Variants in SPAG9 observed in about 807,000 individuals in gnomAD.
SPAG9 encodes sperm associated antigen 9.
Under a neutral mutation model 166.5 loss-of-function variants are expected in SPAG9, and 35 were observed. The observed-to-expected ratio is 0.21, with a 90% CI of 0.16 to 0.28. SPAG9 has a LOEUF of 0.28. Ranked by LOEUF, SPAG9 falls within the 10% of genes least tolerant of loss-of-function variation. The pLI is 1.00. For synonymous variants in SPAG9, 534 were observed against 565.5 expected (o/e 0.94, Z 0.79); for missense variants, 1,235 against 1,603.3 (o/e 0.77, Z 3.92).
At chr17:51,050,190 T>C (rs1159654927) in intron 3 of SPAG9, among the ~76,000 whole-genome samples, 1 of 152,184 alleles carries the variant, frequency 6.6e-6, no homozygotes, top group Non-Finnish European at 1.5e-5. Flanking sequence ...TCCAAAATTA[T>C]CTATATAATG....
At position 51,037,691 on chromosome 17, in the gene SPAG9, T is replaced by TA. The variant is rs1179792305; in HGVS notation, c.741+3809_741+3810insT. ...TATATATATATATATATATAGTGTG[T>TA]GTGTGTGTGTGTGTGTGTGTGTGTG... On this transcript the variant is annotated intron_variant, in intron 5 of 29. Transcript: ENST00000262013. Among the ~76,000 whole-genome samples the TA allele has an allele frequency of 5.6e-3, 506 of 90,628 alleles. 27 individuals are homozygous for TA. Among genetic ancestry groups the TA allele is most frequent in the East Asian group, 0.015 (60 of 4,116 alleles). 59.5% of individuals were successfully genotyped at this position (90,628 alleles called of 152,430 possible).
chr17:51,071,880 A>G (rs2047828964), intron 2 of SPAG9, among the ~76,000 whole-genome samples: 1 of 151,224 alleles, frequency 6.6e-6, no homozygotes. Context: ...TTTAAAATTA[A>G]AGACACTAAT....
chr17:51,010,310 T>C (rs1275934003), intron 9 of SPAG9, among the ~76,000 whole-genome samples: 3 of 152,198 alleles, frequency 2.0e-5, no homozygotes, highest in Non-Finnish European at 4.4e-5. Flanking sequence ...AACAAAACTG[T>C]CAGAACTATT....
chr17:51,113,368 AAAAG>A (rs1568100497), intron 1 of SPAG9, among the ~76,000 whole-genome samples: 2 of 149,452 alleles, frequency 1.3e-5, no homozygotes, highest in African/African-American at 2.5e-5. Context: ...AAAAAAAAAA[AAAAG>A]AAAGAAAAGA....
At chr17:50,995,332 A>G (rs2044629410) in intron 17 of SPAG9, 108 bp from the exon 18 acceptor site, 13 of 1,321,426 alleles carry the variant, frequency 9.8e-6, no homozygotes, top group Non-Finnish European at 1.1e-5. Context: ...ACCTAATATT[A>G]TAAAATGAAC....
At chr17:51,004,042 G>A (rs895975166) in intron 12 of SPAG9, among the ~76,000 whole-genome samples, 5 of 152,154 alleles carry the variant, frequency 3.3e-5, no homozygotes, top group Non-Finnish European at 5.9e-5. Context: ...TGTACTACAC[G>A]GATGAATCTC....
At chr17:51,113,873 T>C (rs551166831) in intron 1 of SPAG9, among the ~76,000 whole-genome samples, 5 of 151,970 alleles carry the variant, frequency 3.3e-5, no homozygotes, top group Admixed American at 6.6e-5. Context: ...CATGATCCTG[T>C]AGTCCCAGCT....
chr17:51,083,008 C>A (rs1379803590), intron 1 of SPAG9, among the ~76,000 whole-genome samples: 1 of 152,166 alleles, frequency 6.6e-6, no homozygotes, highest in East Asian at 1.9e-4. Flanking sequence ...ACCTAGCAGG[C>A]CTAGGCTGCA....
intron 18 of SPAG9, among the ~76,000 whole-genome samples, chr17:50,994,408 G>T (rs918923580): frequency 3.9e-5 from 6 of 152,132 alleles, no homozygotes; most frequent in African/African-American, 1.4e-4. Context: ...TATCAGCAGT[G>T]TGAATATAGA....
At chr17:51,077,109 T>TCTAGCTAGCTATCTAGCTATCTAG (rs1412585538) in intron 2 of SPAG9, among the ~76,000 whole-genome samples, 1 of 129,452 alleles carries the variant, frequency 7.7e-6, no homozygotes, top group Non-Finnish European at 1.7e-5. Context: ...TAGCTAGCTA[T>TCTAGCTAGCTATCTAGCTATCTAG]CTAGCTATCT....
intron 29 of SPAG9, 53 bp from the exon 30 acceptor site, chr17:50,966,440 G>T: frequency 9.0e-7 from 1 of 1,115,306 alleles, no homozygotes; most frequent in South Asian, 1.2e-5. Flanking sequence ...AATATAGAAT[G>T]ATGTGAGTCA....
Position 51,120,721 on chromosome 17 carries a change from G to C in SPAG9, c.-65C>G, listed in dbSNP as rs2049455070. The stretch of plus-strand genomic sequence containing the variant: ...GCAGAGGGGCGGCACCTGCCCGCAC[G>C]GGACGGACCCGACTCGGGCTGGGAC... On this transcript the variant is annotated 5_prime_UTR_variant, in exon 1 of 30. Coordinates refer to ENST00000262013, the MANE Select transcript of SPAG9 (RefSeq NM_001130528.3). This position sits in a 1 kb window ranked among gnomAD's most constrained non-coding sequence, Gnocchi z 4.7. 8 of 1,408,624 alleles carry C rather than the reference G, an allele frequency of 5.7e-6. No homozygotes were observed. The Admixed American group carries it at 8.8e-5, about 15-fold the overall frequency. 87.3% of individuals were successfully genotyped at this position (1,408,624 alleles called of 1,614,324 possible).
intron 1 of SPAG9, among the ~76,000 whole-genome samples, chr17:51,096,038 G>GATATATATATATATATAGTGAT: frequency 1.1e-5 from 1 of 92,632 alleles, no homozygotes; most frequent in Non-Finnish European, 2.0e-5. Context: ...TATATATAGT[G>GATATATATATATATATAGTGAT]ATATATATAT....
intron 6 of SPAG9, among the ~76,000 whole-genome samples, chr17:51,023,867 C>A (rs558897924): frequency 1.3e-5 from 2 of 152,156 alleles, no homozygotes; most frequent in Non-Finnish European, 1.5e-5. Flanking sequence ...AGTTTTGCCA[C>A]GCTGCCCAGG....
At chr17:50,978,199 C>T (rs1974329953) in intron 26 of SPAG9, among the ~76,000 whole-genome samples, 1 of 152,126 alleles carries the variant, frequency 6.6e-6, no homozygotes, top group Non-Finnish European at 1.5e-5. Flanking sequence ...CTCATAAGTT[C>T]TACTTACAAG....
intron 1 of SPAG9, among the ~76,000 whole-genome samples, chr17:51,096,626 A>G (rs2048655735): frequency 6.6e-6 from 1 of 152,178 alleles, no homozygotes. Context: ...GAATGTTACT[A>G]CAACAACATT....
rs57010523 is a variant in SPAG9 at position 51,093,694 on chromosome 17, C to CAAA, written c.304-13993_304-13991dup. Among the ~76,000 whole-genome samples the CAAA allele has an allele frequency of 9.3e-3, 666 of 71,794 alleles. 14 individuals are homozygous for CAAA. Among genetic ancestry groups the CAAA allele is most frequent in the Middle Eastern group, 0.029 (3 of 104 alleles). The allele number at this position is 71,794 out of a possible 152,430, so 47.1% of individuals were successfully genotyped here. A position where few individuals can be genotyped will look rare whatever the true frequency, so the allele number is the denominator to read the frequency against. ...TGGGCGACAGAGCAAGACTCCGTCT[C>CAAA]AAAAAAAAAAAAAAAAAAAAAGAAA... On this transcript the variant is annotated intron_variant, in intron 1 of 29. Coordinates refer to ENST00000262013, the MANE Select transcript of SPAG9 (RefSeq NM_001130528.3).
chr17:51,036,145 T>C (rs894237591), intron 5 of SPAG9, among the ~76,000 whole-genome samples: 3 of 152,184 alleles, frequency 2.0e-5, no homozygotes, highest in Admixed American at 2.0e-4. Context: ...GAACCCTTCT[T>C]GTAAGCATAG....
At chr17:51,043,187 G>C (rs1257752981) in intron 4 of SPAG9, among the ~76,000 whole-genome samples, 1 of 152,062 alleles carries the variant, frequency 6.6e-6, no homozygotes, top group African/African-American at 2.4e-5. Flanking sequence ...ACCACACCTG[G>C]CCAAGAGGGT....
Sources: gnomAD v4.1 joint callset for allele counts (sites outside exome capture counted in the v4.1 genomes callset) on GRCh38, gnomAD v4.1.1 for gene constraint, Gnocchi (gnomAD v3.1) non-coding constraint, MANE v1.5 for transcripts, NCBI Gene and HGNC (gene_info 2026-07-23, HGNC 2026-07-21) for gene names.